KCNIP4: variants seen among roughly 807,000 people sequenced by gnomAD.
The protein encoded by KCNIP4 is Kv channel-interacting protein 4.
Under a neutral mutation model 34.0 loss-of-function variants are expected in KCNIP4, and 12 were observed. The ratio of observed to expected loss-of-function variants is 0.35; its 90% CI spans 0.23 to 0.57. The LOEUF is 0.57. KCNIP4 is among the 20% of genes least tolerant of loss of function. The pLI, the probability that KCNIP4 is intolerant of heterozygous loss-of-function variation, is 0.83. For missense variants in KCNIP4, 238 were observed against 311.7 expected (o/e 0.76, Z 1.78); for synonymous variants, 124 against 102.2 (o/e 1.21, Z -1.29).
At chr4:20,943,433 T>C (rs1731863812) in intron 1 of KCNIP4, among the ~76,000 whole-genome samples, 2 of 152,156 alleles carry the variant, frequency 1.3e-5, no homozygotes, top group Admixed American at 6.5e-5. Flanking sequence ...AAGAGCTGGG[T>C]TTCAAATCCT....
chr4:21,900,062 T>G (rs924779834), intron 1 of KCNIP4, among the ~76,000 whole-genome samples: 1 of 152,136 alleles, frequency 6.6e-6, no homozygotes, highest in Non-Finnish European at 1.5e-5. Context: ...AGCAGACACA[T>G]AGACCTATAG....
At chr4:21,504,985 T>C (rs751289750) in intron 1 of KCNIP4, among the ~76,000 whole-genome samples, 1 of 152,188 alleles carries the variant, frequency 6.6e-6, no homozygotes, top group Non-Finnish European at 1.5e-5. Flanking sequence ...TAACAAGTAA[T>C]AAAAAGGCAT....
At chr4:21,594,067 AG>A in intron 1 of KCNIP4, among the ~76,000 whole-genome samples, 1 of 152,128 alleles carries the variant, frequency 6.6e-6, no homozygotes, top group East Asian at 1.9e-4. Flanking sequence ...ACAAGCTGAA[AG>A]GGAAAAAAAA....
chr4:21,005,116 T>C (rs911965501), intron 1 of KCNIP4, among the ~76,000 whole-genome samples: 8 of 152,174 alleles, frequency 5.3e-5, no homozygotes, highest in Non-Finnish European at 7.4e-5. Context: ...AATGCTTATA[T>C]GACAGGCCAG....
chr4:21,785,183 C>T (rs908571748), intron 1 of KCNIP4, among the ~76,000 whole-genome samples: 1 of 152,084 alleles, frequency 6.6e-6, no homozygotes, highest in Non-Finnish European at 1.5e-5. Context: ...GGACATATAA[C>T]TCACATACCA....
At chr4:21,755,887 T>A (rs909760561) in intron 1 of KCNIP4, among the ~76,000 whole-genome samples, 11 of 152,222 alleles carry the variant, frequency 7.2e-5, no homozygotes, top group Non-Finnish European at 1.6e-4. Context: ...GCAGTAATGA[T>A]CTTTTCTTGT....
chr4:20,759,652 G>GA (rs1560444117), intron 3 of KCNIP4, among the ~76,000 whole-genome samples: 1 of 148,288 alleles, frequency 6.7e-6, no homozygotes, highest in African/African-American at 2.5e-5. Flanking sequence ...ATAAAAAAAA[G>GA]AAAAAAAGAA....
intron 1 of KCNIP4, among the ~76,000 whole-genome samples, chr4:21,853,867 C>T (rs1003609802): frequency 6.6e-6 from 1 of 152,162 alleles, no homozygotes; most frequent in Admixed American, 6.5e-5. Context: ...ATTCATCTGT[C>T]AAATAAAGAG....
chr4:20,924,318 G>A lies in KCNIP4; in HGVS notation c.62-41609C>T, dbSNP rs577845835. Among the ~76,000 whole-genome samples the A allele has an allele frequency of 2.6e-5, 4 of 152,276 alleles. No individual in the cohort carries two copies. The South Asian group carries it at 8.3e-4, about 32-fold the overall frequency. ...AAGCTCCATGTATCAGTAATGCCAA[G>A]AATGGAAATCCTCTCAATGGTGGTA... is the stretch of plus-strand genomic sequence containing the variant. On this transcript the variant is annotated intron_variant, in intron 1 of 8. Transcript: ENST00000382152.
At chr4:20,802,919 CA>C (rs1476266498) in intron 3 of KCNIP4, among the ~76,000 whole-genome samples, 57 of 151,578 alleles carry the variant, frequency 3.8e-4, no homozygotes, top group African/African-American at 1.3e-3. Flanking sequence ...ACTAAAAATA[CA>C]AAAAATTTGC....
chr4:21,070,771 G>GT (rs1158005255), intron 1 of KCNIP4, among the ~76,000 whole-genome samples: 4 of 138,240 alleles, frequency 2.9e-5, no homozygotes, highest in African/African-American at 1.1e-4. Context: ...TGCCTCTCAG[G>GT]TTCAAGCAAT....
At chr4:20,809,024 T>A (rs1715414141) in intron 3 of KCNIP4, among the ~76,000 whole-genome samples, 1 of 152,222 alleles carries the variant, frequency 6.6e-6, no homozygotes, top group Non-Finnish European at 1.5e-5. Flanking sequence ...CCCAGCCCAG[T>A]GATGGTGTGA....
intron 1 of KCNIP4, among the ~76,000 whole-genome samples, chr4:21,922,292 T>C (rs1423953780): frequency 4.6e-5 from 7 of 152,136 alleles, no homozygotes; most frequent in Non-Finnish European, 7.3e-5. Context: ...AAGCACTGTC[T>C]TCCTCCAAAA....
intron 1 of KCNIP4, among the ~76,000 whole-genome samples, chr4:20,938,612 C>T (rs555468065): frequency 2.0e-5 from 3 of 152,322 alleles, no homozygotes; most frequent in Non-Finnish European, 4.4e-5. Flanking sequence ...ATAACTGCCT[C>T]TAAACTGCCT....
At chr4:21,415,264 G>A (rs561722402) in intron 1 of KCNIP4, among the ~76,000 whole-genome samples, 27 of 152,106 alleles carry the variant, frequency 1.8e-4, no homozygotes, top group Non-Finnish European at 3.1e-4. Flanking sequence ...TAGAATCAAA[G>A]AGTGGAATGA....
chr4:21,067,087 CAG>C (rs1165857126), intron 1 of KCNIP4, among the ~76,000 whole-genome samples: 2 of 152,192 alleles, frequency 1.3e-5, no homozygotes, highest in Non-Finnish European at 2.9e-5. Context: ...GCGCACCGGA[CAG>C]AGTCCTGAGG....
chr4:20,995,054 A>C (rs1177028648), intron 1 of KCNIP4, among the ~76,000 whole-genome samples: 1 of 152,148 alleles, frequency 6.6e-6, no homozygotes, highest in Non-Finnish European at 1.5e-5. Context: ...TCCTGGAGTA[A>C]GTTTACCTAT....
At chr4:21,924,755 G>C (rs1446227269) in intron 1 of KCNIP4, among the ~76,000 whole-genome samples, 1 of 152,102 alleles carries the variant, frequency 6.6e-6, no homozygotes, top group East Asian at 1.9e-4. Context: ...ACAGTGGAAA[G>C]AGTTATTCAG....
intron 1 of KCNIP4, among the ~76,000 whole-genome samples, chr4:21,302,697 C>T (rs531018457): frequency 1.3e-5 from 2 of 152,218 alleles, no homozygotes; most frequent in Admixed American, 1.3e-4. Context: ...CACCATCCCC[C>T]GCCTCCTGCG....
Sources: allele counts gnomAD v4.1 joint callset (sites outside exome capture counted in the v4.1 genomes callset), GRCh38; gene constraint gnomAD v4.1.1; transcripts MANE v1.5; gene names NCBI Gene and HGNC (gene_info 2026-07-23, HGNC 2026-07-21).